Variants in VSIR observed in about 807,000 individuals in gnomAD.
VSIR encodes the protein V-set immunoregulatory receptor.
VSIR carries 10 observed loss-of-function variants against 31.0 expected under a neutral mutation model. The observed-to-expected ratio is 0.32, with a 90% CI of 0.20 to 0.55. The LOEUF (loss-of-function observed/expected upper bound fraction) is 0.55, where lower values mean the gene tolerates loss of function less well. Ranked by LOEUF, VSIR falls within the 20% of genes least tolerant of loss-of-function variation. The pLI, the probability that VSIR is intolerant of heterozygous loss-of-function variation, is 0.93. For synonymous variants in VSIR, 179 were observed against 180.1 expected (o/e 0.99, Z 0.05); for missense variants, 356 against 416.2 (o/e 0.86, Z 1.26).
intron 1 of VSIR, among the ~76,000 whole-genome samples, chr10:71,765,064 G>A (rs924287564): frequency 2.5e-4 from 38 of 152,330 alleles, no homozygotes; most frequent in African/African-American, 7.2e-4. Flanking sequence ...AAACAGAAGT[G>A]AGGAGGACCT....
intron 1 of VSIR, among the ~76,000 whole-genome samples, chr10:71,762,787 G>A (rs562534117): frequency 4.7e-4 from 71 of 152,296 alleles, no homozygotes; most frequent in African/African-American, 1.7e-3. Flanking sequence ...TGAGGGACCG[G>A]GACAGAGAGT....
Position 71,773,403 on chromosome 10 carries a change from G to T in VSIR, c.37C>A (p.Arg13Ser). ...VPTALEAGSW[R>S]WGSLLFALFL... ...AGAGCGAAGAGCAGGGATCCCCAGC[G>T]CCAGCTGCCGGCCTCCAGGGCCGTG... The change falls in exon 1 of 7, where the codon CGC becomes AGC. Residue 13 changes from arginine to serine, a missense_variant. By Grantham distance (110) the Arg-to-Ser change is moderately radical. Coordinates refer to ENST00000394957, the MANE Select transcript of VSIR (RefSeq NM_022153.2). 1.2e-6 allele frequency: 2 copies of T among 1,609,184 alleles called. No individual in the cohort carries two copies. Among genetic ancestry groups the T allele is most frequent in the Middle Eastern group, 1.7e-4 (1 of 6,054 alleles).
chr10:71,767,216 C>T (rs1379337613), intron 1 of VSIR, among the ~76,000 whole-genome samples: 1 of 152,246 alleles, frequency 6.6e-6, no homozygotes, highest in Non-Finnish European at 1.5e-5. Flanking sequence ...ACCCAGCAGG[C>T]CCCGGGTGAC....
In VSIR at chr10:71,759,695, C is replaced by T. The variant is rs377436784; in HGVS notation, c.568+1173G>A. 7.8e-4 allele frequency among the ~76,000 whole-genome samples: 118 copies of T among 151,876 alleles called. 1 individual carries two copies. The highest frequency in any genetic ancestry group is 2.7e-3 in the African/African-American group (113 of 41,388). On this transcript the variant is annotated intron_variant, in intron 3 of 6. Transcript: ENST00000394957. Reference sequence around the variant, plus strand: ...TGTGGTGCACGCCTGTAATCTCATCCTAGCTACTCGGGAGGCTGAGGCAGA... The same window carrying T: ...TGTGGTGCACGCCTGTAATCTCATCTTAGCTACTCGGGAGGCTGAGGCAGA...
In VSIR at chr10:71,748,790, G is replaced by A. The variant is rs576786661; in HGVS notation, c.*2463C>T. 167 of 152,812 alleles carry A rather than the reference G, an allele frequency of 1.1e-3. No homozygotes were observed. The highest frequency in any genetic ancestry group is 3.4e-3 in the Middle Eastern group (1 of 294). 9.5% of individuals were successfully genotyped at this position (152,812 alleles called of 1,614,324 possible). Reference sequence around the variant, plus strand: ...CTGGCATCAGAGGCACTACCATCCCGGGCAACTCAGAGGGCGGCTCCAGCA... The same window carrying A: ...CTGGCATCAGAGGCACTACCATCCCAGGCAACTCAGAGGGCGGCTCCAGCA... On this transcript the variant is annotated 3_prime_UTR_variant, in exon 7 of 7. Transcript: ENST00000394957.
intron 1 of VSIR, among the ~76,000 whole-genome samples, chr10:71,767,833 G>C (rs1253771972): frequency 6.6e-6 from 1 of 152,212 alleles, no homozygotes; most frequent in Non-Finnish European, 1.5e-5. Flanking sequence ...GGGAAGCCAG[G>C]CTCTATTGAA....
chr10:71,766,750 G>A (rs577572105), intron 1 of VSIR, among the ~76,000 whole-genome samples: 71 of 152,226 alleles, frequency 4.7e-4, no homozygotes, highest in African/African-American at 1.4e-3. Flanking sequence ...GAAGTGACTT[G>A]CCCAAGGCCA....
chr10:71,753,746 T>A (rs1840064451), intron 4 of VSIR: 1 of 456,232 alleles, frequency 2.2e-6, no homozygotes, highest in South Asian at 1.5e-5. Context: ...TTAAGGAGAT[T>A]TACTGCTGAT....
chr10:71,772,340 C>G (rs1840704677), intron 1 of VSIR, among the ~76,000 whole-genome samples: 1 of 152,222 alleles, frequency 6.6e-6, no homozygotes, highest in Admixed American at 6.5e-5. Flanking sequence ...TGTGCCAAGC[C>G]CTCCACCTCC....
chr10:71,763,634 C>T (rs1054307492), intron 1 of VSIR, among the ~76,000 whole-genome samples: 9 of 152,208 alleles, frequency 5.9e-5, no homozygotes, highest in Admixed American at 5.2e-4. Flanking sequence ...CGCTGAGCCC[C>T]GACTCCTCAC....
At chr10:71,762,269 AGAGACTTGGAGGGCAGT>A (rs1405014564) in intron 1 of VSIR, among the ~76,000 whole-genome samples, 2 of 152,212 alleles carry the variant, frequency 1.3e-5, no homozygotes, top group Admixed American at 6.5e-5. Flanking sequence ...CAGGGCAGGG[AGAGACTTGGAGGGCAGT>A]GATGCAGTCG....
At chr10:71,767,882 C>A (rs1402058282) in intron 1 of VSIR, among the ~76,000 whole-genome samples, 1 of 152,224 alleles carries the variant, frequency 6.6e-6, no homozygotes, top group Non-Finnish European at 1.5e-5. Flanking sequence ...AGCCTCCGTG[C>A]ATCCGGGGCT....
Position 71,748,805 on chromosome 10 carries a change from C to T in VSIR, c.*2448G>A, listed in dbSNP as rs553179847. 8 of 152,842 alleles carry T rather than the reference C, an allele frequency of 5.2e-5. No homozygotes were observed. The highest frequency in any genetic ancestry group is 1.9e-4 in the East Asian group (1 of 5,188). The allele number at this position is 152,842 out of a possible 1,614,324, so 9.5% of individuals were successfully genotyped here. On this transcript the variant is annotated 3_prime_UTR_variant, in exon 7 of 7. Transcript: ENST00000394957. ...CTACCATCCCGGGCAACTCAGAGGG[C>T]GGCTCCAGCAGCCTGCCCCTCCCCA...
At chr10:71,769,221 C>G (rs1323323093) in intron 1 of VSIR, among the ~76,000 whole-genome samples, 1 of 62,248 alleles carries the variant, frequency 1.6e-5, no homozygotes, top group South Asian at 6.4e-4. Context: ...TAATATGTCT[C>G]TAAAACATTT....
chr10:71,769,495 T>C (rs1484302307), intron 1 of VSIR, among the ~76,000 whole-genome samples: 1 of 151,926 alleles, frequency 6.6e-6, no homozygotes, highest in Admixed American at 6.6e-5. Context: ...AAGAAAAAAA[T>C]AAGTAAATAT....
At position 71,750,041 on chromosome 10, in the gene VSIR, A is replaced by G. The variant is rs548329453; in HGVS notation, c.*1212T>C. 11 of 151,230 alleles carry G rather than the reference A, an allele frequency of 7.3e-5. No homozygotes were observed. Among genetic ancestry groups the G allele is most frequent in the African/African-American group, 2.4e-4 (10 of 40,838 alleles). 9.4% of individuals were successfully genotyped at this position (151,230 alleles called of 1,614,324 possible). A position where few individuals can be genotyped will look rare whatever the true frequency, so the allele number is the denominator to read the frequency against. Reference sequence around the variant, plus strand: ...GCTCAGGCACTGCCTTCCCTGTTTTACCCCCAGAGTGTACAGAGATGCCCC... The same window carrying G: ...GCTCAGGCACTGCCTTCCCTGTTTTGCCCCCAGAGTGTACAGAGATGCCCC... On this transcript the variant is annotated 3_prime_UTR_variant, in exon 7 of 7. Coordinates refer to ENST00000394957, the MANE Select transcript of VSIR (RefSeq NM_022153.2).
rs1839941812 is a variant in VSIR at position 71,749,596 on chromosome 10, G to T, written c.*1657C>A. The stretch of plus-strand genomic sequence containing the variant: ...GTTTGGGCATATTCTGGCCACTCGA[G>T]GTGTCAGCCCCATCTCCGGGCCTAT... On this transcript the variant is annotated 3_prime_UTR_variant, in exon 7 of 7. Transcript: ENST00000394957. 1 of 152,352 alleles carries T rather than the reference G, an allele frequency of 6.6e-6. No individual in the cohort carries two copies. Among genetic ancestry groups the T allele is most frequent in the African/African-American group, 2.4e-5 (1 of 41,460 alleles). 9.4% of individuals were successfully genotyped at this position (152,352 alleles called of 1,614,324 possible).
At chr10:71,766,705 C>A (rs1184318689) in intron 1 of VSIR, among the ~76,000 whole-genome samples, 1 of 152,168 alleles carries the variant, frequency 6.6e-6, no homozygotes, top group Non-Finnish European at 1.5e-5. Context: ...TGGGTGGTAT[C>A]ATCCCTATTT....
intron 3 of VSIR, chr10:71,757,634 C>T (rs41305713): frequency 2.6e-5 from 4 of 152,288 alleles, no homozygotes; most frequent in South Asian, 2.1e-4. Flanking sequence ...AGGTAGCTGC[C>T]GACACCGCAC....
Sources: gnomAD v4.1 joint callset for allele counts (sites outside exome capture counted in the v4.1 genomes callset) on GRCh38, gnomAD v4.1.1 for gene constraint, MANE v1.5 for transcripts, NCBI Gene and HGNC (gene_info 2026-07-23, HGNC 2026-07-21) for gene names.